Variants in ABI1 observed in about 807,000 individuals in gnomAD.
The protein encoded by ABI1 is Abelson interactor 1.
In ABI1, 14 loss-of-function variants were observed where a neutral mutation model predicts 54.6. The ratio of observed to expected loss-of-function variants is 0.26; its 90% CI spans 0.17 to 0.40. The LOEUF is 0.40. Ranked by LOEUF, ABI1 falls within the 10% of genes least tolerant of loss-of-function variation. The pLI is 1.00. For missense variants in ABI1, 443 were observed against 598.3 expected (o/e 0.74, Z 2.71); for synonymous variants, 194 against 209.3 (o/e 0.93, Z 0.63).
chr10:26,835,787 T>G (rs1264676791), intron 1 of ABI1, among the ~76,000 whole-genome samples: 3 of 151,590 alleles, frequency 2.0e-5, no homozygotes, highest in Non-Finnish European at 4.4e-5. Flanking sequence ...ATTTTTTTTT[T>G]TTTTTTGAGA....
At chr10:26,839,782 C>A (rs2049353814) in intron 1 of ABI1, 1 of 700,888 alleles carries the variant, frequency 1.4e-6, no homozygotes, top group African/African-American at 1.8e-5. Context: ...AAAACCATGT[C>A]TCTACAGAAA....
intron 7 of ABI1, among the ~76,000 whole-genome samples, chr10:26,763,575 G>C (rs945120255): frequency 3.9e-4 from 60 of 152,098 alleles, no homozygotes; most frequent in African/African-American, 1.4e-3. Flanking sequence ...TCCAAATTAA[G>C]TTTCACTTGT....
At chr10:26,806,073 A>G (rs2046857291) in intron 2 of ABI1, among the ~76,000 whole-genome samples, 2 of 152,248 alleles carry the variant, frequency 1.3e-5, no homozygotes, top group Admixed American at 6.5e-5. Flanking sequence ...CCGTATCAAC[A>G]TGATAAATGA....
intron 2 of ABI1, among the ~76,000 whole-genome samples, chr10:26,813,254 CAAA>C (rs753373576): frequency 7.4e-6 from 1 of 134,844 alleles, no homozygotes; most frequent in Non-Finnish European, 1.6e-5. Context: ...ATCCCCCCGC[CAAA>C]AAAAAAAAAA....
At chr10:26,843,333 A>C (rs1207224719) in intron 1 of ABI1, among the ~76,000 whole-genome samples, 1 of 150,514 alleles carries the variant, frequency 6.6e-6, no homozygotes, top group East Asian at 2.0e-4. Flanking sequence ...ATGCACCTGT[A>C]GTCCCAGATA....
intron 2 of ABI1, among the ~76,000 whole-genome samples, chr10:26,807,600 T>C (rs142761692): frequency 1.3e-3 from 205 of 152,312 alleles, no homozygotes; most frequent in African/African-American, 4.4e-3. Flanking sequence ...TTGCATGCAG[T>C]TCGCTCCACA....
At chr10:26,764,577 T>C (rs1297779612) in intron 7 of ABI1, among the ~76,000 whole-genome samples, 1 of 152,184 alleles carries the variant, frequency 6.6e-6, no homozygotes, top group Non-Finnish European at 1.5e-5. Flanking sequence ...ATAATAAATG[T>C]CATTCTTGAC....
chr10:26,852,185 A>C (rs549566623), intron 1 of ABI1, among the ~76,000 whole-genome samples: 159 of 152,240 alleles, frequency 1.0e-3, no homozygotes, highest in Non-Finnish European at 1.9e-3. Context: ...TGCCTTATTA[A>C]AATAAGAATC....
intron 2 of ABI1, among the ~76,000 whole-genome samples, chr10:26,809,323 CA>C (rs2047075297): frequency 2.0e-5 from 3 of 151,420 alleles, no homozygotes. Flanking sequence ...TTTGGGACAC[CA>C]AGATAGAAGG....
chr10:26,799,034 T>C, intron 2 of ABI1, among the ~76,000 whole-genome samples: 1 of 152,146 alleles, frequency 6.6e-6, no homozygotes, highest in Non-Finnish European at 1.5e-5. Flanking sequence ...AATGATGTTG[T>C]TTCATTTGAA....
intron 1 of ABI1, among the ~76,000 whole-genome samples, chr10:26,850,670 AAAAAG>A (rs2050314606): frequency 1.3e-5 from 2 of 151,856 alleles, no homozygotes; most frequent in Admixed American, 6.6e-5. Context: ...AAAAAAAAAA[AAAAAG>A]AAAAGAAAAG....
intron 2 of ABI1, among the ~76,000 whole-genome samples, chr10:26,781,333 T>TA (rs1405628554): frequency 6.6e-6 from 1 of 152,250 alleles, no homozygotes; most frequent in Non-Finnish European, 1.5e-5. Flanking sequence ...GTCTGGCCCC[T>TA]AGGGCATCTC....
At chr10:26,853,064 T>C (rs2134259445) in intron 1 of ABI1, among the ~76,000 whole-genome samples, 1 of 152,196 alleles carries the variant, frequency 6.6e-6, no homozygotes, top group East Asian at 1.9e-4. Flanking sequence ...CACACAGTAG[T>C]CAAATCTCAA....
At chr10:26,803,896 C>A (rs10829069) in intron 2 of ABI1, among the ~76,000 whole-genome samples, 1 of 151,412 alleles carries the variant, frequency 6.6e-6, no homozygotes, top group African/African-American at 2.4e-5. Flanking sequence ...GAAAGAATAG[C>A]CATTAAATAA....
chr10:26,812,279 G>C (rs188971297), intron 2 of ABI1, among the ~76,000 whole-genome samples: 4 of 152,098 alleles, frequency 2.6e-5, no homozygotes, highest in African/African-American at 4.8e-5. Context: ...AGCATAGCAT[G>C]GTTCATCTTA....
Position 26,848,605 on chromosome 10 carries a change from C to CTTTT in ABI1, c.117+12138_117+12141dup, listed in dbSNP as rs35694402. On this transcript the variant is annotated intron_variant, in intron 1 of 10. Transcript: ENST00000376140. ...GCACAGTATGCAATATAAGAAGAGG[C>CTTTT]TTTTTTTTTTTTTTTTTTTTTGAGA... 3.1e-4 allele frequency among the ~76,000 whole-genome samples: 33 copies of CTTTT among 107,374 alleles called. 1 individual carries two copies. The highest frequency in any genetic ancestry group is 3.6e-4 in the African/African-American group (10 of 27,606). The allele number at this position is 107,374 out of a possible 152,430, so 70.4% of individuals were successfully genotyped here. A position where few individuals can be genotyped will look rare whatever the true frequency, so the allele number is the denominator to read the frequency against.
intron 2 of ABI1, among the ~76,000 whole-genome samples, chr10:26,795,830 T>C (rs1465121119): frequency 6.6e-6 from 1 of 152,094 alleles, no homozygotes; most frequent in Non-Finnish European, 1.5e-5. Flanking sequence ...CAAAGCAATA[T>C]ACAGATTTAA....
chr10:26,764,638 C>G (rs1177470446), intron 7 of ABI1, among the ~76,000 whole-genome samples: 4 of 152,178 alleles, frequency 2.6e-5, no homozygotes, highest in Non-Finnish European at 5.9e-5. Flanking sequence ...GGTTCCTCAT[C>G]CCTGGATTCA....
chr10:26,773,960 A>G (rs117346554), intron 3 of ABI1, among the ~76,000 whole-genome samples: 1,543 of 152,316 alleles, frequency 0.01, 9 homozygotes, highest in Non-Finnish European at 0.017. Context: ...CCTAGATCAC[A>G]TAATCTTTTG....
Sources: gnomAD v4.1 joint callset for allele counts (sites outside exome capture counted in the v4.1 genomes callset) on GRCh38, gnomAD v4.1.1 for gene constraint, MANE v1.5 for transcripts, NCBI Gene and HGNC (gene_info 2026-07-23, HGNC 2026-07-21) for gene names.